Variants in NLGN1 observed in about 807,000 individuals in gnomAD.
NLGN1 encodes the protein neuroligin-1.
NLGN1 carries 12 observed loss-of-function variants against 65.5 expected under a neutral mutation model. The ratio of observed to expected loss-of-function variants is 0.18; its 90% CI spans 0.12 to 0.30. The LOEUF (loss-of-function observed/expected upper bound fraction) is 0.30. Ranked by LOEUF, NLGN1 falls within the 10% of genes least tolerant of loss-of-function variation. The probability of loss-of-function intolerance (pLI) is 1.00; values close to 1 mark genes in which losing one functional copy is unlikely to be tolerated. For synonymous variants in NLGN1, 350 were observed against 359.5 expected (o/e 0.97, Z 0.30); for missense variants, 750 against 1,007.1 (o/e 0.74, Z 3.46).
intron 3 of NLGN1, among the ~76,000 whole-genome samples, chr3:173,791,667 A>T (rs1712793752): frequency 6.6e-6 from 1 of 151,978 alleles, no homozygotes; most frequent in Non-Finnish European, 1.5e-5. Context: ...CAATTGATTT[A>T]TGGTTTGCTT....
intron 2 of NLGN1, among the ~76,000 whole-genome samples, chr3:173,473,426 T>C (rs1725634381): frequency 6.6e-6 from 1 of 152,182 alleles, no homozygotes; most frequent in South Asian, 2.1e-4. Context: ...GAAATGAGCA[T>C]TGAAATGCTG....
chr3:173,714,527 T>C (rs1195733124), intron 3 of NLGN1, among the ~76,000 whole-genome samples: 2 of 152,142 alleles, frequency 1.3e-5, no homozygotes, highest in Non-Finnish European at 2.9e-5. Context: ...AACAGGCTCT[T>C]ATGATACAGC....
chr3:173,685,775 T>C, intron 3 of NLGN1: 1 of 985,434 alleles, frequency 1.0e-6, no homozygotes, highest in Non-Finnish European at 1.2e-6. Flanking sequence ...GCTTTTTGTA[T>C]GTGCTGTGTC....
At chr3:174,182,246 C>A (rs1389193705) in intron 4 of NLGN1, among the ~76,000 whole-genome samples, 1 of 152,042 alleles carries the variant, frequency 6.6e-6, no homozygotes, top group African/African-American at 2.4e-5. Flanking sequence ...TTGCAATAAC[C>A]TCTTAACTCG....
At chr3:174,256,638 C>T (rs690708) in intron 4 of NLGN1, among the ~76,000 whole-genome samples, 20,399 of 152,028 alleles carry the variant, frequency 0.13, 1,445 homozygotes, top group African/African-American at 0.16. Flanking sequence ...GGTTTTACCC[C>T]ATTTTATGCC....
chr3:173,910,397 A>G (rs1172345763), intron 4 of NLGN1: 2 of 152,192 alleles, frequency 1.3e-5, no homozygotes, highest in African/African-American at 2.4e-5. Flanking sequence ...AACAGACTGG[A>G]TATCAGTGTT....
chr3:173,787,861 A>G (rs1711557044), intron 3 of NLGN1, among the ~76,000 whole-genome samples: 1 of 152,212 alleles, frequency 6.6e-6, no homozygotes, highest in Non-Finnish European at 1.5e-5. Context: ...TGCTCAAGCA[A>G]TTGCTTCTTG....
Position 174,161,847 on chromosome 3 carries a change from G to A in NLGN1, c.647-113468G>A, listed in dbSNP as rs538252852. Among the ~76,000 whole-genome samples, 16 of 151,910 alleles carry A rather than the reference G, an allele frequency of 1.1e-4. No homozygotes were observed. The South Asian group carries it at 3.1e-3, about 30-fold the overall frequency. Reference sequence around the variant, plus strand: ...TAACTTTCTCAAGTTTTAAGACTGGGAGGATCAATTTCTATATGTATTGAA... The same window carrying A: ...TAACTTTCTCAAGTTTTAAGACTGGAAGGATCAATTTCTATATGTATTGAA... On this transcript the variant is annotated intron_variant, in intron 4 of 6. Transcript: ENST00000457714.
At chr3:173,829,566 G>GTT (rs1560452846) in intron 4 of NLGN1, among the ~76,000 whole-genome samples, 263 of 114,344 alleles carry the variant, frequency 2.3e-3, no homozygotes, top group African/African-American at 0.01. Flanking sequence ...GTGTGTGTGT[G>GTT]TGTGTTTGTG....
chr3:174,019,861 C>T (rs1029889197), intron 4 of NLGN1, among the ~76,000 whole-genome samples: 50 of 152,042 alleles, frequency 3.3e-4, no homozygotes, highest in Non-Finnish European at 6.6e-4. Flanking sequence ...GCAAGCATGA[C>T]AGAAACCATT....
chr3:173,855,174 A>C (rs1028843414), intron 4 of NLGN1, among the ~76,000 whole-genome samples: 1 of 152,114 alleles, frequency 6.6e-6, no homozygotes, highest in Admixed American at 6.5e-5. Context: ...GGTGTTCATA[A>C]GAGTGGTGAT....
At chr3:173,559,200 A>G (rs1742237626) in intron 2 of NLGN1, among the ~76,000 whole-genome samples, 7 of 152,078 alleles carry the variant, frequency 4.6e-5, no homozygotes, top group Non-Finnish European at 1.5e-5. Flanking sequence ...ATTTCTCTCA[A>G]TTTTCGGCCC....
chr3:173,764,285 G>A (rs1483430244), intron 3 of NLGN1, among the ~76,000 whole-genome samples: 1 of 152,152 alleles, frequency 6.6e-6, no homozygotes, highest in Admixed American at 6.5e-5. Flanking sequence ...GAAGCCTAAT[G>A]TGCAGAAAGT....
chr3:174,145,744 A>C (rs7641055), intron 4 of NLGN1, among the ~76,000 whole-genome samples: 10,690 of 152,258 alleles, frequency 0.07, 514 homozygotes, highest in African/African-American at 0.13. Flanking sequence ...GATTAGTAAA[A>C]TTATAATACA....
At chr3:173,474,330 A>G (rs890937644) in intron 2 of NLGN1, among the ~76,000 whole-genome samples, 1 of 152,180 alleles carries the variant, frequency 6.6e-6, no homozygotes, top group Admixed American at 6.5e-5. Context: ...GAATTAACAA[A>G]CAATACTGAA....
At chr3:173,514,599 G>A (rs1480570289) in intron 2 of NLGN1, among the ~76,000 whole-genome samples, 1 of 152,132 alleles carries the variant, frequency 6.6e-6, no homozygotes, top group African/African-American at 2.4e-5. Flanking sequence ...CACACAGCAC[G>A]TATCAAGAAT....
intron 2 of NLGN1, among the ~76,000 whole-genome samples, chr3:173,554,274 C>G (rs1020420545): frequency 1.4e-4 from 22 of 152,056 alleles, no homozygotes; most frequent in African/African-American, 5.1e-4. Flanking sequence ...TTCTTCATGT[C>G]TTTCTGTATG....
chr3:174,072,112 A>AG (rs1313051974), intron 4 of NLGN1, among the ~76,000 whole-genome samples: 1 of 152,208 alleles, frequency 6.6e-6, no homozygotes, highest in Non-Finnish European at 1.5e-5. Flanking sequence ...GGGAAAATAA[A>AG]GGGGAGAATC....
At chr3:174,166,206 G>T (rs1294790290) in intron 4 of NLGN1, among the ~76,000 whole-genome samples, 1 of 151,790 alleles carries the variant, frequency 6.6e-6, no homozygotes, top group Non-Finnish European at 1.5e-5. Flanking sequence ...GTTACATTCT[G>T]ATTTTAGTTA....
Sources: allele counts gnomAD v4.1 joint callset (sites outside exome capture counted in the v4.1 genomes callset), GRCh38; gene constraint gnomAD v4.1.1; transcripts MANE v1.5; gene names NCBI Gene and HGNC (gene_info 2026-07-23, HGNC 2026-07-21).